ITPRID1: variants seen among roughly 807,000 people sequenced by gnomAD.
ITPRID1 encodes the protein ITPR interacting domain containing 1, also known as protein ITPRID1.
In ITPRID1, 96 loss-of-function variants were observed where a neutral mutation model predicts 95.4. The ratio of observed to expected loss-of-function variants is 1.01; its 90% CI spans 0.85 to 1.19. The LOEUF (loss-of-function observed/expected upper bound fraction) is 1.19. Ranked by LOEUF, ITPRID1 falls within the 50% of genes most tolerant of loss-of-function variation. ITPRID1 has a pLI of 0.00. For missense variants in ITPRID1, 1,339 were observed against 1,252.9 expected (o/e 1.07, Z -1.04); for synonymous variants, 510 against 453.6 (o/e 1.12, Z -1.58).
Position 31,655,862 on chromosome 7 carries a change from C to G in ITPRID1, c.*3033C>G. The G allele has an allele frequency of 3.0e-6, 3 of 985,508 alleles. No individual in the cohort carries two copies. Among genetic ancestry groups the G allele is most frequent in the Non-Finnish European group, 3.6e-6 (3 of 829,976 alleles). The allele number at this position is 985,508 out of a possible 1,614,324, so 61.0% of individuals were successfully genotyped here. On this transcript the variant is annotated 3_prime_UTR_variant, in exon 15 of 15. Transcript: ENST00000615280. Reference sequence around the variant, plus strand: ...CTTCCTTGCTCCTTCCCTGTAACGCCTACGGAATGAAGAGGAACACCTGGC... The same window carrying G: ...CTTCCTTGCTCCTTCCCTGTAACGCGTACGGAATGAAGAGGAACACCTGGC...
chr7:31,624,955 G>A (rs1788305204), intron 10 of ITPRID1, among the ~76,000 whole-genome samples: 1 of 152,140 alleles, frequency 6.6e-6, no homozygotes, highest in African/African-American at 2.4e-5. Flanking sequence ...ATCAAAAAGT[G>A]GGCAAAGGAC....
chr7:31,633,654 G>A (rs888587636), intron 10 of ITPRID1, among the ~76,000 whole-genome samples: 7 of 152,216 alleles, frequency 4.6e-5, no homozygotes, highest in Non-Finnish European at 7.3e-5. Context: ...ATTGGCATTT[G>A]CCTAATCTCT....
intron 5 of ITPRID1, among the ~76,000 whole-genome samples, chr7:31,562,111 C>T (rs1784646182): frequency 6.7e-6 from 1 of 149,476 alleles, no homozygotes; most frequent in Admixed American, 6.6e-5. Flanking sequence ...CTCTTTCCCC[C>T]ACCAGAAAAC....
intron 10 of ITPRID1, among the ~76,000 whole-genome samples, chr7:31,616,531 A>ATCTGCCCATCAACACATCC (rs569697786): frequency 2.8e-3 from 432 of 152,308 alleles, no homozygotes; most frequent in African/African-American, 9.9e-3. Flanking sequence ...GAAGGAGGTC[A>ATCTGCCCATCAACACATCC]TCTGCCCATC....
Position 31,643,533 on chromosome 7 carries a change from G to T in ITPRID1, c.2163G>T (p.Gln721His), listed in dbSNP as rs1790209452. 1 of 1,614,046 alleles carries T rather than the reference G, an allele frequency of 6.2e-7. No homozygotes were observed. The highest frequency in any genetic ancestry group is 2.2e-5 in the East Asian group (1 of 44,884). ...QMSSSLVSAA[Q>H]RAVALGTGPR... ...CCTCCAGCCTGGTGTCGGCTGCTCA[G>T]AGGGCTGTGGCCTTGGGGACTGGTC... Residue 721 changes from glutamine to histidine, a missense_variant, in exon 12 of 15, where the codon CAG (glutamine) becomes CAT (histidine). By Grantham distance (24) the Gln-to-His change is conservative. Transcript: ENST00000615280.
At chr7:31,529,747 G>T in intron 1 of ITPRID1, 1 of 1,534,070 alleles carries the variant, frequency 6.5e-7, no homozygotes, top group Non-Finnish European at 8.7e-7. Flanking sequence ...AAAAGGCACA[G>T]AAGATCTCCA....
At position 31,652,860 on chromosome 7, in the gene ITPRID1, A is replaced by T; in HGVS notation, c.*31A>T. 1 of 1,596,432 alleles carries T rather than the reference A, an allele frequency of 6.3e-7. No individual in the cohort carries two copies. Among genetic ancestry groups the T allele is most frequent in the Non-Finnish European group, 8.6e-7 (1 of 1,167,140 alleles). On this transcript the variant is annotated 3_prime_UTR_variant, in exon 15 of 15. Transcript: ENST00000615280. ...AGCAGGTTTGTTAACCTTCATACAAAATATAAAGGCCCAGAACAGATGTAG... is the reference window on the plus strand; with the variant it reads ...AGCAGGTTTGTTAACCTTCATACAATATATAAAGGCCCAGAACAGATGTAG...
At chr7:31,519,809 G>A (rs530609416) in intron 1 of ITPRID1, among the ~76,000 whole-genome samples, 1 of 150,932 alleles carries the variant, frequency 6.6e-6, no homozygotes, top group African/African-American at 2.4e-5. Context: ...TTTCAATATA[G>A]ACAAAATTGT....
chr7:31,521,714 C>A (rs1296446051), intron 1 of ITPRID1, among the ~76,000 whole-genome samples: 2 of 76,906 alleles, frequency 2.6e-5, no homozygotes, highest in Admixed American at 1.5e-4. Flanking sequence ...TCCCTCCCTT[C>A]CTTCCTTCCT....
chr7:31,633,459 A>G (rs963997969), intron 10 of ITPRID1, among the ~76,000 whole-genome samples: 2 of 152,218 alleles, frequency 1.3e-5, no homozygotes, highest in Non-Finnish European at 2.9e-5. Context: ...AGGTGGCACC[A>G]TCCTGTCTTC....
chr7:31,589,861 AT>A (rs1481429209), intron 10 of ITPRID1, among the ~76,000 whole-genome samples: 11 of 152,322 alleles, frequency 7.2e-5, no homozygotes, highest in Middle Eastern at 3.4e-3. Flanking sequence ...TGTTGATGTT[AT>A]ACTTGACAAT....
intron 10 of ITPRID1, among the ~76,000 whole-genome samples, chr7:31,594,627 C>A (rs1041566595): frequency 6.6e-6 from 1 of 152,104 alleles, no homozygotes; most frequent in African/African-American, 2.4e-5. Context: ...GAGGTCGAGG[C>A]TGGTGGATCA....
At chr7:31,556,462 T>C (rs544814489) in intron 5 of ITPRID1, among the ~76,000 whole-genome samples, 64 of 152,260 alleles carry the variant, frequency 4.2e-4, no homozygotes, top group African/African-American at 1.5e-3. Flanking sequence ...AGTGCCATGA[T>C]TGTTGGTCAC....
chr7:31,605,464 A>G (rs1345489096), intron 10 of ITPRID1, among the ~76,000 whole-genome samples: 4 of 152,354 alleles, frequency 2.6e-5, no homozygotes, highest in African/African-American at 7.2e-5. Context: ...ATTCTCAGGT[A>G]GTATGAAATT....
chr7:31,651,295 G>A (rs754376545), intron 13 of ITPRID1, 26 bp downstream of exon 13: 6 of 1,608,870 alleles, frequency 3.7e-6, no homozygotes, highest in Non-Finnish European at 5.1e-6. Flanking sequence ...AGCCATAAAA[G>A]TAAGTACCAG....
At chr7:31,553,323 C>T in intron 3 of ITPRID1, 136 bp downstream of exon 3, 1 of 799,234 alleles carries the variant, frequency 1.3e-6, no homozygotes, top group South Asian at 1.9e-5. Context: ...TGGCATGATG[C>T]CGGAAACATT....
Position 31,652,996 on chromosome 7 carries a change from T to C in ITPRID1, c.*167T>C. 2.8e-6 allele frequency: 4 copies of C among 1,428,844 alleles called. No homozygotes were observed. The highest frequency in any genetic ancestry group is 3.7e-6 in the Non-Finnish European group (4 of 1,093,456). 88.5% of individuals were successfully genotyped at this position (1,428,844 alleles called of 1,614,324 possible). A position where few individuals can be genotyped will look rare whatever the true frequency, so the allele number is the denominator to read the frequency against. On this transcript the variant is annotated 3_prime_UTR_variant, in exon 15 of 15. Coordinates refer to ENST00000615280, the MANE Select transcript of ITPRID1 (RefSeq NM_001257967.3). ...CCAAGAGGAGTTTAGAATACTCTAATACTCATTCAGTATAGAATAACTGAG... is the reference window on the plus strand; with the variant it reads ...CCAAGAGGAGTTTAGAATACTCTAACACTCATTCAGTATAGAATAACTGAG...
At chr7:31,606,290 C>T (rs1786618476) in intron 10 of ITPRID1, among the ~76,000 whole-genome samples, 2 of 151,808 alleles carry the variant, frequency 1.3e-5, no homozygotes, top group East Asian at 1.9e-4. Context: ...CCTGTTAATC[C>T]CGTGTGTAGG....
In ITPRID1 at chr7:31,585,978, A is replaced by C. The variant is rs1420052470; in HGVS notation, c.1228+2787A>C. ...AGCATTAGGTATATCTCCCGATGCT[A>C]TCCCTCCCCCCTCCCCCCATCCCAC... On this transcript the variant is annotated intron_variant, in intron 10 of 14. Transcript: ENST00000615280. Among the ~76,000 whole-genome samples, 13 of 134,466 alleles carry C rather than the reference A, an allele frequency of 9.7e-5. No individual in the cohort carries two copies. In the East Asian group the frequency reaches 3.0e-3, roughly 31 times the overall value. 88.2% of individuals were successfully genotyped at this position (134,466 alleles called of 152,430 possible).
Sources: allele counts gnomAD v4.1 joint callset (sites outside exome capture counted in the v4.1 genomes callset), GRCh38; gene constraint gnomAD v4.1.1; transcripts MANE v1.5; gene names NCBI Gene and HGNC (gene_info 2026-07-23, HGNC 2026-07-21).